The following SDK1 variants were observed in gnomAD, a reference collection of about 807,000 sequenced individuals.
SDK1 encodes sidekick cell adhesion molecule 1, also known as protein sidekick-1.
In SDK1, 157 loss-of-function variants were observed where a neutral mutation model predicts 245.5. That is an observed-to-expected ratio of 0.64 (90% CI 0.56 to 0.73). SDK1 has a LOEUF of 0.73. Ranked by LOEUF, SDK1 falls within the 30% of genes least tolerant of loss-of-function variation. The pLI is 0.00. For missense variants in SDK1, 3,583 were observed against 3,002.3 expected (o/e 1.19, Z -4.52); for synonymous variants, 1,647 against 1,278.5 (o/e 1.29, Z -6.15).
Position 4,267,989 on chromosome 7 carries a change from T to C in SDK1, c.*2605T>C. 1 of 985,486 alleles carries C rather than the reference T, an allele frequency of 1.0e-6. No homozygotes were observed. The highest frequency in any genetic ancestry group is 1.2e-6 in the Non-Finnish European group (1 of 829,968). 61.0% of individuals were successfully genotyped at this position (985,486 alleles called of 1,614,324 possible). Reference sequence around the variant, plus strand: ...AGAAGCAACAGTTCCTAACTCCTTATCTTCAGGGAAGGAAAAGAAAATCAC... The same window carrying C: ...AGAAGCAACAGTTCCTAACTCCTTACCTTCAGGGAAGGAAAAGAAAATCAC... On this transcript the variant is annotated 3_prime_UTR_variant, in exon 45 of 45. Coordinates refer to ENST00000404826, the MANE Select transcript of SDK1 (RefSeq NM_152744.4).
intron 14 of SDK1, among the ~76,000 whole-genome samples, chr7:3,992,612 A>G (rs551725315): frequency 6.6e-6 from 1 of 152,226 alleles, no homozygotes; most frequent in Admixed American, 6.5e-5. Context: ...CACTCTCTAA[A>G]ATGCTTATCG....
chr7:3,326,264 A>G (rs548149302), intron 1 of SDK1, among the ~76,000 whole-genome samples: 1 of 152,318 alleles, frequency 6.6e-6, no homozygotes, highest in East Asian at 1.9e-4. Context: ...CTATGGTTAT[A>G]TACATATGTA....
chr7:3,628,489 G>C (rs1782186510), intron 2 of SDK1, among the ~76,000 whole-genome samples: 1 of 152,030 alleles, frequency 6.6e-6, no homozygotes, highest in South Asian at 2.1e-4. Flanking sequence ...CTTATTCCAG[G>C]ACCTTATGGA....
rs1783574785 is a variant in SDK1, at chr7:3,667,641, G to A, written c.713+25536G>A. On this transcript the variant is annotated intron_variant, in intron 4 of 44. Coordinates refer to ENST00000404826, the MANE Select transcript of SDK1 (RefSeq NM_152744.4). ...AGGAGACCCTGGCAGTCACAGATCT[G>A]TTTTCTGTCCCTATAGTTTTGCATT... 9.8e-5 allele frequency among the ~76,000 whole-genome samples: 15 copies of A among 152,290 alleles called. No homozygotes were observed. The South Asian group carries it at 3.1e-3, about 32-fold the overall frequency.
intron 17 of SDK1, among the ~76,000 whole-genome samples, chr7:4,042,015 T>C (rs1788676889): frequency 7.4e-6 from 1 of 135,766 alleles, no homozygotes; most frequent in South Asian, 2.3e-4. Context: ...GGTTTCATCA[T>C]GTTGGCCCGG....
intron 1 of SDK1, among the ~76,000 whole-genome samples, chr7:3,549,399 A>G (rs562939244): frequency 1.4e-4 from 22 of 152,358 alleles, no homozygotes; most frequent in Admixed American, 6.5e-4. Context: ...TATTTGATAT[A>G]CATAGAATTC....
rs1181995644 is a variant in SDK1, at chr7:3,672,782, TATATATATATATAA to T, written c.713+30679_713+30692del. On this transcript the variant is annotated intron_variant, in intron 4 of 44. Coordinates refer to ENST00000404826, the MANE Select transcript of SDK1 (RefSeq NM_152744.4). The stretch of plus-strand genomic sequence containing the variant: ...TTTTATATATATATATATATATATA[TATATATATATATAA>T]AAAATACAGAAAGCTCTAAGTATGC... 3.9e-3 allele frequency among the ~76,000 whole-genome samples: 400 copies of T among 103,594 alleles called. 26 individuals are homozygous for T. Among genetic ancestry groups the T allele is most frequent in the South Asian group, 0.018 (59 of 3,306 alleles). The allele number at this position is 103,594 out of a possible 152,430, so 68.0% of individuals were successfully genotyped here.
At chr7:3,524,344 A>C in intron 1 of SDK1, among the ~76,000 whole-genome samples, 1 of 152,180 alleles carries the variant, frequency 6.6e-6, no homozygotes, top group Non-Finnish European at 1.5e-5. Context: ...GGTGTTGAGA[A>C]TAGTGAGATG....
At chr7:3,447,077 T>C (rs1041957831) in intron 1 of SDK1, among the ~76,000 whole-genome samples, 1 of 152,202 alleles carries the variant, frequency 6.6e-6, no homozygotes, top group Non-Finnish European at 1.5e-5. Flanking sequence ...CTTGAAATCT[T>C]ATTAAAATCT....
At chr7:3,995,405 C>T (rs1334224499) in intron 14 of SDK1, among the ~76,000 whole-genome samples, 1 of 152,104 alleles carries the variant, frequency 6.6e-6, no homozygotes, top group African/African-American at 2.4e-5. Context: ...TCCCCATCCC[C>T]TCCCTTGGGG....
intron 5 of SDK1, among the ~76,000 whole-genome samples, chr7:3,939,338 C>G (rs1016727968): frequency 1.3e-5 from 2 of 152,198 alleles, no homozygotes; most frequent in African/African-American, 4.8e-5. Context: ...AAATGTCTTC[C>G]AGACACAACA....
intron 4 of SDK1, among the ~76,000 whole-genome samples, chr7:3,645,944 T>C (rs958058260): frequency 1.1e-4 from 17 of 152,084 alleles, no homozygotes; most frequent in Non-Finnish European, 2.9e-5. Context: ...CTGCAACCTC[T>C]GCCTCCCGAG....
At chr7:4,075,120 G>A (rs1780575162) in intron 20 of SDK1, among the ~76,000 whole-genome samples, 1 of 151,530 alleles carries the variant, frequency 6.6e-6, no homozygotes, top group Non-Finnish European at 1.5e-5. Context: ...CCCAAAGGCA[G>A]GCAGGCAGCA....
chr7:3,483,460 C>G (rs1479962144), intron 1 of SDK1, among the ~76,000 whole-genome samples: 2 of 152,024 alleles, frequency 1.3e-5, no homozygotes, highest in East Asian at 1.9e-4. Flanking sequence ...CTTACTTTTT[C>G]TGATTGCCTC....
intron 1 of SDK1, among the ~76,000 whole-genome samples, chr7:3,390,608 T>C (rs892968659): frequency 2.0e-5 from 3 of 152,202 alleles, no homozygotes; most frequent in Non-Finnish European, 4.4e-5. Flanking sequence ...CTAGTATCCT[T>C]ATATGATGAG....
At chr7:3,595,573 T>A (rs1276049432) in intron 1 of SDK1, among the ~76,000 whole-genome samples, 2 of 151,994 alleles carry the variant, frequency 1.3e-5, no homozygotes, top group Non-Finnish European at 2.9e-5. Context: ...TCTATTCATT[T>A]TTAGTTTACA....
chr7:3,686,630 G>C (rs62437916), intron 4 of SDK1, among the ~76,000 whole-genome samples: 13,918 of 45,850 alleles, frequency 0.3, 797 homozygotes, highest in South Asian at 0.49. Flanking sequence ...AAAATTGAAA[G>C]ATTGGTTGGG....
chr7:3,866,755 A>G (rs1242405637), intron 5 of SDK1, among the ~76,000 whole-genome samples: 1 of 152,174 alleles, frequency 6.6e-6, no homozygotes, highest in Non-Finnish European at 1.5e-5. Context: ...TTCCCAGGGC[A>G]CAGGAATGGC....
chr7:3,479,730 C>T (rs1272358864), intron 1 of SDK1, among the ~76,000 whole-genome samples: 49 of 151,392 alleles, frequency 3.2e-4, no homozygotes, highest in African/African-American at 7.3e-5. Flanking sequence ...GGCATGGTGG[C>T]GTGTGCATGT....
Sources: gnomAD v4.1 joint callset for allele counts (sites outside exome capture counted in the v4.1 genomes callset) on GRCh38, gnomAD v4.1.1 for gene constraint, MANE v1.5 for transcripts, NCBI Gene and HGNC (gene_info 2026-07-23, HGNC 2026-07-21) for gene names.